MAG: variants seen among roughly 807,000 people sequenced by gnomAD.
MAG encodes myelin-associated glycoprotein.
A neutral mutation model predicts 60.7 loss-of-function variants in MAG; 30 were observed. The ratio of observed to expected loss-of-function variants is 0.49; its 90% CI spans 0.37 to 0.67. The LOEUF (loss-of-function observed/expected upper bound fraction) is 0.67, where lower values mean the gene tolerates loss of function less well. Among genes scored for constraint, MAG ranks in the 30% least tolerant of loss-of-function variants. The pLI is 0.00. For missense variants in MAG, 795 were observed against 851.7 expected (o/e 0.93, Z 0.83); for synonymous variants, 384 against 376.8 (o/e 1.02, Z -0.22).
At position 35,310,039 on chromosome 19, in the gene MAG, G is replaced by C. The variant is rs764896650; in HGVS notation, c.1397G>C (p.Ser466Thr). The part of the protein sequence containing the change: ...SEREFVYSER[S>T]GLVLTSILTL... ...CGGGAGTTCGTGTACTCGGAGCGCA[G>C]CGGCCTCGTGCTCACCAGCATCCTC... The change falls in exon 8 of 11, where the codon AGC (serine) becomes ACC (threonine). Residue 466 changes from serine (S) to threonine (T), a missense_variant. By Grantham distance (58) the Ser-to-Thr change is moderately conservative. Coordinates refer to ENST00000392213, the MANE Select transcript of MAG (RefSeq NM_002361.4). 2 of 1,613,870 alleles carry C rather than the reference G, an allele frequency of 1.2e-6. No individual in the cohort carries two copies. The highest frequency in any genetic ancestry group is 2.2e-5 in the South Asian group (2 of 91,086).
At chr19:35,302,177 T>G (rs1177388598) in intron 6 of MAG, among the ~76,000 whole-genome samples, 1 of 152,180 alleles carries the variant, frequency 6.6e-6, no homozygotes, top group African/African-American at 2.4e-5. Context: ...ATGAAGCCCA[T>G]TTTCCAGATG....
chr19:35,309,440 T>G (rs901463339), intron 7 of MAG, among the ~76,000 whole-genome samples: 6 of 151,572 alleles, frequency 4.0e-5, no homozygotes, highest in Admixed American at 1.3e-4. Context: ...TTCTTTCATT[T>G]TTGTTGTTGT....
At position 35,300,276 on chromosome 19, in the gene MAG, G is replaced by T. The variant is rs778233016; in HGVS notation, c.842G>T (p.Arg281Leu). The part of the protein sequence containing the change: ...LTWMRDGTVL[R>L]EAVAESLLLE... ...TGGATGCGGGACGGGACAGTCCTCC[G>T]GGAGGCGGTGGCCGAGAGCCTGCTC... The change falls in exon 6 of 11, where the codon CGG (arginine) becomes CTG (leucine). Residue 281 changes from arginine (R) to leucine (L), a missense_variant. By Grantham distance (102) the Arg-to-Leu change is moderately radical (BLOSUM62 -2). Transcript: ENST00000392213. 3.2e-5 allele frequency: 51 copies of T among 1,598,898 alleles called. No homozygotes were observed. The highest frequency in any genetic ancestry group is 4.0e-5 in the Non-Finnish European group (47 of 1,178,512).
rs775781854 is a variant in MAG, at chr19:35,309,987, C to T, written c.1345C>T (p.Arg449Cys). Residue 449 changes from arginine to cysteine, a missense_variant, in exon 8 of 11, where the codon CGC becomes TGC. Physicochemically the swap from Arg to Cys is radical, Grantham distance 180. Coordinates refer to ENST00000392213, the MANE Select transcript of MAG (RefSeq NM_002361.4). ...EPSVAFELPSRNVTVNESERE... is the reference protein window; with the variant it reads ...EPSVAFELPSCNVTVNESERE... The stretch of plus-strand genomic sequence containing the variant: ...GTCCGTGGCCTTTGAGCTGCCATCG[C>T]GCAATGTGACCGTGAACGAGAGCGA... 71 of 1,613,934 alleles carry T rather than the reference C, an allele frequency of 4.4e-5. No homozygotes were observed. Among genetic ancestry groups the T allele is most frequent in the Non-Finnish European group, 5.8e-5 (69 of 1,179,958 alleles).
intron 7 of MAG, among the ~76,000 whole-genome samples, chr19:35,305,536 C>G (rs2066477543): frequency 1.3e-5 from 2 of 152,210 alleles, no homozygotes; most frequent in Admixed American, 6.5e-5. Flanking sequence ...CAGGGCTGAA[C>G]AGACCTGGGC....
In MAG at chr19:35,294,243, G is replaced by C; in HGVS notation, c.-71G>C. ...ACTCTTGTTGCATGCAGGTTGTCTG[G>C]CGGCTTCAGGTGGACCCAGAAGACG... On this transcript the variant is annotated 5_prime_UTR_variant, in exon 2 of 11. Coordinates refer to ENST00000392213, the MANE Select transcript of MAG (RefSeq NM_002361.4). 2.3e-6 allele frequency: 1 copy of C among 436,390 alleles called. No homozygotes were observed. The highest frequency in any genetic ancestry group is 4.6e-6 in the Non-Finnish European group (1 of 218,814). The allele number at this position is 436,390 out of a possible 1,614,324, so 27.0% of individuals were successfully genotyped here. A position where few individuals can be genotyped will look rare whatever the true frequency, so the allele number is the denominator to read the frequency against.
At chr19:35,311,864 G>A (rs1000833312) in intron 9 of MAG, 54 bp from the exon 10 acceptor site, 51 of 1,301,720 alleles carry the variant, frequency 3.9e-5, no homozygotes, top group Non-Finnish European at 5.3e-5. Context: ...CCTAAAACAC[G>A]TGGGGGTGCA....
Position 35,300,381 on chromosome 19 carries a change from G to A in MAG, c.947G>A (p.Arg316His), listed in dbSNP as rs370453303. 2 of 1,582,238 alleles carry A rather than the reference G, an allele frequency of 1.3e-6. No homozygotes were observed. Among genetic ancestry groups the A allele is most frequent in the African/African-American group, 2.7e-5 (2 of 74,672 alleles). Residue 316 changes from arginine to histidine, a missense_variant, in exon 6 of 11, where the codon CGC becomes CAC. Transcript: ENST00000392213. Reference protein sequence around the residue: ...LAENAYGQDNRTVGLSVMYAP... With the variant: ...LAENAYGQDNHTVGLSVMYAP... ...GAGAATGCCTATGGCCAGGACAACCGCACCGTGGGGCTCAGTGTCATGTGT... is the reference window on the plus strand; with the variant it reads ...GAGAATGCCTATGGCCAGGACAACCACACCGTGGGGCTCAGTGTCATGTGT...
intron 9 of MAG, 86 bp downstream of exon 9, chr19:35,310,729 A>G (rs2066521264): frequency 1.8e-6 from 2 of 1,123,892 alleles, no homozygotes; most frequent in Non-Finnish European, 2.7e-6. Context: ...TGGGTGGGGG[A>G]AGGCAGCACC....
At chr19:35,303,730 A>AACTC (rs2066464913) in intron 7 of MAG, among the ~76,000 whole-genome samples, 1 of 152,024 alleles carries the variant, frequency 6.6e-6, no homozygotes, top group Non-Finnish European at 1.5e-5. Flanking sequence ...TTGGAAATGA[A>AACTC]ACTCACCATT....
Position 35,295,367 on chromosome 19 carries a change from C to A in MAG, c.-23-19C>A. ...CTTTCACTTCCCCCAGCCTTTAACC[C>A]TCTCCTCTCCCTTTCCAGCGATCAC... On this transcript the variant is annotated intron_variant, in intron 2 of 10. Coordinates refer to ENST00000392213, the MANE Select transcript of MAG (RefSeq NM_002361.4). This position sits in a 1 kb window ranked among gnomAD's most constrained non-coding sequence, Gnocchi z 5.8. 1.2e-6 allele frequency: 2 copies of A among 1,610,916 alleles called. No individual in the cohort carries two copies. The highest frequency in any genetic ancestry group is 8.5e-7 in the Non-Finnish European group (1 of 1,178,266).
intron 7 of MAG, among the ~76,000 whole-genome samples, chr19:35,307,562 G>A (rs537796787): frequency 5.3e-5 from 8 of 152,246 alleles, no homozygotes; most frequent in Admixed American, 1.3e-4. Flanking sequence ...TGGCACGCAC[G>A]TGTAGTCCCA....
At chr19:35,312,603 G>A (rs2066536896) in intron 10 of MAG, 1 of 572,680 alleles carries the variant, frequency 1.7e-6, no homozygotes, top group Non-Finnish European at 3.1e-6. Context: ...CCAGATTGAG[G>A]GCGGACCCAT....
At chr19:35,306,372 C>T (rs1027362285) in intron 7 of MAG, among the ~76,000 whole-genome samples, 2 of 152,106 alleles carry the variant, frequency 1.3e-5, no homozygotes, top group Non-Finnish European at 2.9e-5. Context: ...CATGTGACCT[C>T]TCTGCGGGAA....
intron 7 of MAG, among the ~76,000 whole-genome samples, chr19:35,306,050 C>A (rs1373054460): frequency 2.1e-5 from 2 of 95,332 alleles, no homozygotes; most frequent in Non-Finnish European, 4.1e-5. Flanking sequence ...CCCACTCCAG[C>A]CTGGATGACA....
At chr19:35,310,508 C>G in intron 8 of MAG, 39 bp from the exon 9 acceptor site, 1 of 1,566,094 alleles carries the variant, frequency 6.4e-7, no homozygotes, top group Non-Finnish European at 8.8e-7. Flanking sequence ...TCACCACCAC[C>G]CATAGCCCTA....
At position 35,295,535 on chromosome 19, in the gene MAG, T is replaced by C. The variant is rs552073048; in HGVS notation, c.47-78T>C. 3.1e-6 allele frequency: 5 copies of C among 1,605,684 alleles called. No individual in the cohort carries two copies. In the East Asian group the frequency reaches 8.9e-5, roughly 29 times the overall value. Reference sequence around the variant, plus strand: ...GGTGGGTCCCCGCAGCCCCCCGGCATGTGGTTGGGGATGGGAGCCGGAGGG... The same window carrying C: ...GGTGGGTCCCCGCAGCCCCCCGGCACGTGGTTGGGGATGGGAGCCGGAGGG... On this transcript the variant is annotated intron_variant, in intron 3 of 10. Coordinates refer to ENST00000392213, the MANE Select transcript of MAG (RefSeq NM_002361.4). The surrounding 1 kb of genome is among the most constrained non-coding windows in gnomAD (Gnocchi z 5.8).
intron 7 of MAG, among the ~76,000 whole-genome samples, chr19:35,305,343 G>A (rs543590788): frequency 2.6e-5 from 4 of 152,332 alleles, no homozygotes; most frequent in South Asian, 4.1e-4. Flanking sequence ...AGCCCTGAAC[G>A]GCACGGGGCA....
chr19:35,307,705 T>G (rs1045711272), intron 7 of MAG, among the ~76,000 whole-genome samples: 7 of 151,990 alleles, frequency 4.6e-5, no homozygotes, highest in African/African-American at 1.4e-4. Context: ...GTAATAACAA[T>G]AATAATAATA....
Sources: gnomAD v4.1 joint callset for allele counts (sites outside exome capture counted in the v4.1 genomes callset) on GRCh38, gnomAD v4.1.1 for gene constraint, Gnocchi (gnomAD v3.1) non-coding constraint, MANE v1.5 for transcripts, NCBI Gene and HGNC (gene_info 2026-07-23, HGNC 2026-07-21) for gene names.